The following TG variants were observed in gnomAD, a reference collection of about 807,000 sequenced individuals.
The protein encoded by TG is thyroglobulin.
A neutral mutation model predicts 324.7 loss-of-function variants in TG; 270 were observed. That is an observed-to-expected ratio of 0.83 (90% CI 0.75 to 0.92). The LOEUF is 0.92. Among genes scored for constraint, TG ranks in the 40% least tolerant of loss-of-function variants. TG has a pLI of 0.00. For synonymous variants in TG, 1,401 were observed against 1,327.0 expected, an observed-to-expected ratio of 1.06 and a Z score of -1.21; for missense variants, 3,591 against 3,456.4, an observed-to-expected ratio of 1.04 and a Z score of -0.98.
rs1374980796 is a variant in TG, at chr8:133,113,604, G to A, written c.7754+1G>A. ...CCCGGGCTCTGGAGAATGCCACCCG[G>A]TAAGCTAAGCTGCAGGAGGGTGCAG... On this transcript the variant is annotated splice_donor_variant, in intron 44 of 47. Transcript: ENST00000220616. LOFTEE classifies it high-confidence loss of function. The A allele has an allele frequency of 6.2e-7, 1 of 1,613,704 alleles. No homozygotes were observed. Among genetic ancestry groups the A allele is most frequent in the Non-Finnish European group, 8.5e-7 (1 of 1,179,836 alleles).
intron 35 of TG, chr8:132,995,580 G>C: frequency 1.1e-6 from 1 of 950,794 alleles, no homozygotes; most frequent in Non-Finnish European, 1.3e-6. Flanking sequence ...CACGCACCCA[G>C]GATCATGCAT....
intron 40 of TG, among the ~76,000 whole-genome samples, chr8:133,026,150 C>A (rs1587796941): frequency 2.0e-5 from 3 of 152,186 alleles, no homozygotes; most frequent in Admixed American, 1.3e-4. Context: ...GCAGTGGCAG[C>A]CCTGTCACTC....
Position 132,901,473 on chromosome 8 carries a change from A to G in TG, c.3554A>G (p.Gln1185Arg), listed in dbSNP as rs1194947783. Residue 1185 changes from glutamine (Q) to arginine (R), a missense_variant, in exon 16 of 48, where the codon CAG (glutamine) becomes CGG (arginine). Physicochemically the swap from Gln to Arg is conservative, Grantham distance 43. Transcript: ENST00000220616. ...GFSPVQCDQAQGSCWCVMDSG... is the reference protein window; with the variant it reads ...GFSPVQCDQARGSCWCVMDSG... The stretch of plus-strand genomic sequence containing the variant: ...TCCCCAGTGCAATGTGACCAGGCCC[A>G]GGGCAGCTGCTGGTGTGTCATGGAC... 4 of 1,614,050 alleles carry G rather than the reference A, an allele frequency of 2.5e-6. No homozygotes were observed. Among genetic ancestry groups the G allele is most frequent in the Non-Finnish European group, 3.4e-6 (4 of 1,180,054 alleles).
chr8:132,903,371 T>C (rs1818203812), intron 16 of TG, among the ~76,000 whole-genome samples: 1 of 152,184 alleles, frequency 6.6e-6, no homozygotes, highest in Admixed American at 6.5e-5. Context: ...TTCCTAATTC[T>C]TGCCGGGCCT....
rs142545358 is a variant in TG at position 133,038,498 on chromosome 8, G to T, written c.7239+8475G>T. 2.5e-3 allele frequency: 3,768 copies of T among 1,534,448 alleles called. 11 individuals are homozygous for T. The highest frequency in any genetic ancestry group is 3.0e-3 in the Non-Finnish European group (3,337 of 1,107,244). On this transcript the variant is annotated intron_variant, in intron 41 of 47. Coordinates refer to ENST00000220616, the MANE Select transcript of TG (RefSeq NM_003235.5). ...TAGTTGGAACTTCTGTTCCTTTTGG[G>T]CATGAACCATTGTGTCTGTTCTTGG... is the stretch of plus-strand genomic sequence containing the variant.
At chr8:133,007,538 G>C (rs1231540302) in intron 35 of TG, among the ~76,000 whole-genome samples, 3 of 152,068 alleles carry the variant, frequency 2.0e-5, no homozygotes, top group African/African-American at 7.2e-5. Flanking sequence ...TTTAGTATTA[G>C]CTTCATTTTT....
At chr8:132,958,909 A>T (rs1269606283) in intron 27 of TG, among the ~76,000 whole-genome samples, 1 of 152,130 alleles carries the variant, frequency 6.6e-6, no homozygotes, top group Non-Finnish European at 1.5e-5. Flanking sequence ...TGCAGTGTGG[A>T]GGACAAGGAG....
At position 132,931,452 on chromosome 8, in the gene TG, T is replaced by C. The variant is rs370042910; in HGVS notation, c.4817-2109T>C. Among the ~76,000 whole-genome samples, 7 of 152,196 alleles carry C rather than the reference T, an allele frequency of 4.6e-5. No individual in the cohort carries two copies. In the South Asian group the frequency reaches 1.2e-3, roughly 27 times the overall value. ...TAGGAAAATAAAGCCACTGAGTCAA[T>C]GAAGGGTTGGATATCATTGTTGGTG... On this transcript the variant is annotated intron_variant, in intron 23 of 47. Transcript: ENST00000220616.
chr8:133,068,821 C>T (rs1843500720), intron 41 of TG, among the ~76,000 whole-genome samples: 1 of 152,364 alleles, frequency 6.6e-6, no homozygotes, highest in Non-Finnish European at 1.5e-5. Context: ...ACTTTCTGTA[C>T]ACAGAGGCCC....
In TG at chr8:132,888,541, C is replaced by T. The variant is rs747975846; in HGVS notation, c.2734C>T (p.Arg912Trp). The T allele has an allele frequency of 2.1e-5, 34 of 1,611,054 alleles. 1 individual carries two copies. The highest frequency in any genetic ancestry group is 2.1e-4 in the South Asian group (19 of 90,552). The change falls in exon 10 of 48, where the codon CGG (arginine) becomes TGG (tryptophan). Residue 912 changes from arginine (R) to tryptophan (W), a missense_variant. Transcript: ENST00000220616. ...GGCTGGCCAAGAACTGGAAGGAATG[C>T]GGTCTGAGCCAAGCAAGCTCCCAAC... ...DEAGQELEGMRSEPSKLPTCP... is the reference protein window; with the variant it reads ...DEAGQELEGMWSEPSKLPTCP...
At chr8:132,918,441 A>G (rs949127696) in intron 20 of TG, among the ~76,000 whole-genome samples, 7 of 152,230 alleles carry the variant, frequency 4.6e-5, no homozygotes, top group South Asian at 4.1e-4. Flanking sequence ...GAGGGAGGAT[A>G]TTAATTGCTC....
chr8:132,887,536 A>T lies in TG; in HGVS notation c.2164A>T (p.Lys722Ter). 6.2e-7 allele frequency: 1 copy of T among 1,614,192 alleles called. No homozygotes were observed. Among genetic ancestry groups the T allele is most frequent in the South Asian group, 1.1e-5 (1 of 91,076 alleles). The change falls in exon 9 of 48, where the codon AAG (lysine) becomes TAG (stop). Residue 722 changes from lysine to a stop codon, truncating the protein, a stop_gained. Coordinates refer to ENST00000220616, the MANE Select transcript of TG (RefSeq NM_003235.5). LOFTEE classifies it high-confidence loss of function. ...TCCTGGAACTCGAAGTGCAATAGGG[A>T]AGCCCAAGAAATGTAAGTCTGTTGG... ...AIPGTRSAIG[K>*]PKKCPTPCQL... is the part of the protein sequence containing the mutation.
At chr8:133,074,517 C>T (rs551641490) in intron 41 of TG, among the ~76,000 whole-genome samples, 1 of 152,216 alleles carries the variant, frequency 6.6e-6, no homozygotes, top group Non-Finnish European at 1.5e-5. Flanking sequence ...ATGAGTCCCT[C>T]AAGGTCGCAC....
chr8:132,890,926 A>T (rs933966707), intron 10 of TG, among the ~76,000 whole-genome samples: 1 of 152,176 alleles, frequency 6.6e-6, no homozygotes, highest in African/African-American at 2.4e-5. Flanking sequence ...GTGTTTATGA[A>T]CTGCCTACTG....
chr8:133,081,547 G>A (rs139706616), intron 41 of TG, among the ~76,000 whole-genome samples: 21 of 152,056 alleles, frequency 1.4e-4, no homozygotes, highest in Admixed American at 4.6e-4. Context: ...CAGAATCTTC[G>A]GGAGGTCTTT....
intron 41 of TG, among the ~76,000 whole-genome samples, chr8:133,041,654 A>C (rs144157389): frequency 1.3e-5 from 2 of 152,284 alleles, no homozygotes; most frequent in Non-Finnish European, 1.5e-5. Context: ...AGACAGGTTA[A>C]TACTCAGGGT....
At chr8:132,908,471 AAT>A (rs1819014578) in intron 18 of TG, 131 bp downstream of exon 18, 1 of 624,706 alleles carries the variant, frequency 1.6e-6, no homozygotes, top group Non-Finnish European at 2.7e-6. Context: ...TGCTGGAACT[AAT>A]AGTGAATTCT....
At chr8:133,064,463 T>C (rs1248294796) in intron 41 of TG, among the ~76,000 whole-genome samples, 2 of 152,210 alleles carry the variant, frequency 1.3e-5, no homozygotes, top group Non-Finnish European at 2.9e-5. Flanking sequence ...TCTTTCACTT[T>C]GTTAGTGTGA....
At chr8:133,044,917 G>A in intron 41 of TG, 3 of 1,534,342 alleles carry the variant, frequency 2.0e-6, no homozygotes, top group Non-Finnish European at 2.7e-6. Context: ...CAGACGGATG[G>A]CGCCACAGAG....
Sources: allele counts gnomAD v4.1 joint callset (sites outside exome capture counted in the v4.1 genomes callset), GRCh38; gene constraint gnomAD v4.1.1; transcripts MANE v1.5; gene names NCBI Gene and HGNC (gene_info 2026-07-23, HGNC 2026-07-21).